RAP1GDS1: variants seen among roughly 807,000 people sequenced by gnomAD.
RAP1GDS1 encodes Rap1 GTPase-GDP dissociation stimulator 1.
Under a neutral mutation model 71.1 loss-of-function variants are expected in RAP1GDS1, and 35 were observed. The ratio of observed to expected loss-of-function variants is 0.49; its 90% confidence interval spans 0.38 to 0.65. The LOEUF is 0.65. RAP1GDS1 is among the 30% of genes least tolerant of loss of function. RAP1GDS1 has a pLI of 0.00. For synonymous variants in RAP1GDS1, 229 were observed against 243.1 expected, an observed-to-expected ratio of 0.94 and a Z score of 0.54; for missense variants, 663 against 706.1, an observed-to-expected ratio of 0.94 and a Z score of 0.69.
At chr4:98,438,214 A>G (rs1014872878) in intron 14 of RAP1GDS1, among the ~76,000 whole-genome samples, 1 of 151,564 alleles carries the variant, frequency 6.6e-6, no homozygotes, top group Non-Finnish European at 1.5e-5. Flanking sequence ...ACTTTATCTG[A>G]CTTTAACATA....
At chr4:98,270,237 G>GT (rs1451231582) in intron 1 of RAP1GDS1, among the ~76,000 whole-genome samples, 1 of 152,090 alleles carries the variant, frequency 6.6e-6, no homozygotes, top group East Asian at 1.9e-4. Flanking sequence ...GTACTGTTGT[G>GT]TTTAAGTTTC....
intron 6 of RAP1GDS1, 171 bp downstream of exon 6, chr4:98,392,251 A>T (rs1026992324): frequency 5.1e-6 from 3 of 585,024 alleles, no homozygotes; most frequent in African/African-American, 3.8e-5. Context: ...ATTAGATCTT[A>T]TGATTGCATT....
chr4:98,419,744 A>G (rs1045458094), intron 10 of RAP1GDS1, among the ~76,000 whole-genome samples: 8 of 152,188 alleles, frequency 5.3e-5, no homozygotes, highest in Admixed American at 1.3e-4. Context: ...TTTACAAACT[A>G]TGTAAGTAAG....
At chr4:98,426,800 A>T (rs1749676422) in intron 12 of RAP1GDS1, among the ~76,000 whole-genome samples, 1 of 152,154 alleles carries the variant, frequency 6.6e-6, no homozygotes, top group Admixed American at 6.5e-5. Context: ...TCAAAGAATA[A>T]TTGGTACCAA....
chr4:98,425,387 C>G (rs1220243106), intron 12 of RAP1GDS1, among the ~76,000 whole-genome samples: 1 of 152,104 alleles, frequency 6.6e-6, no homozygotes, highest in African/African-American at 2.4e-5. Context: ...TACCTCACAT[C>G]TCAATACTAA....
At chr4:98,370,696 G>A (rs765794961) in intron 4 of RAP1GDS1, among the ~76,000 whole-genome samples, 6 of 151,454 alleles carry the variant, frequency 4.0e-5, no homozygotes, top group African/African-American at 9.7e-5. Context: ...TCAGCCTCCC[G>A]AGTAGCTGGG....
chr4:98,293,696 C>T (rs760503378), intron 2 of RAP1GDS1, among the ~76,000 whole-genome samples, 181 bp downstream of exon 2: 79 of 152,032 alleles, frequency 5.2e-4, no homozygotes, highest in African/African-American at 5.8e-4. Flanking sequence ...TCCACGCCCC[C>T]GCAAGATCCT....
intron 1 of RAP1GDS1, among the ~76,000 whole-genome samples, chr4:98,286,599 A>G (rs1726054657): frequency 6.6e-6 from 1 of 152,128 alleles, no homozygotes; most frequent in African/African-American, 2.4e-5. Flanking sequence ...TTAAGAATGA[A>G]TGAGGCCAGG....
chr4:98,403,440 G>A (rs1328531295), intron 6 of RAP1GDS1, among the ~76,000 whole-genome samples: 1 of 152,132 alleles, frequency 6.6e-6, no homozygotes, highest in Non-Finnish European at 1.5e-5. Context: ...CTAGATTTCT[G>A]CCTGTGCAGA....
In RAP1GDS1 at chr4:98,416,796, A is replaced by G; in HGVS notation, c.815A>G (p.Glu272Gly). 6.2e-7 allele frequency: 1 copy of G among 1,611,524 alleles called. No individual in the cohort carries two copies. The highest frequency in any genetic ancestry group is 1.3e-5 in the African/African-American group (1 of 74,982). ...GCAGGCCTAGTAGAGTGTCTACTAG[A>G]GATTGTTCAGCAAAAAGTGGATAGT... ...VEAGLVECLLEIVQQKVDSDK... is the reference protein window; with the variant it reads ...VEAGLVECLLGIVQQKVDSDK... The change falls in exon 8 of 15, where the codon GAG becomes GGG. Residue 272 changes from glutamate to glycine, a missense_variant. Coordinates refer to ENST00000408927, the MANE Select transcript of RAP1GDS1 (RefSeq NM_001100427.2).
At chr4:98,433,246 C>T (rs986278048) in intron 12 of RAP1GDS1, among the ~76,000 whole-genome samples, 1 of 151,944 alleles carries the variant, frequency 6.6e-6, no homozygotes, top group Non-Finnish European at 1.5e-5. Context: ...AAAGCTTTAC[C>T]TGGAACATCT....
At chr4:98,293,643 T>C (rs1343419798) in intron 2 of RAP1GDS1, 128 bp downstream of exon 2, 3 of 697,416 alleles carry the variant, frequency 4.3e-6, no homozygotes, top group African/African-American at 3.7e-5. Flanking sequence ...ATCATATCCC[T>C]GAATACTGAG....
intron 2 of RAP1GDS1, among the ~76,000 whole-genome samples, chr4:98,321,096 A>G (rs1731792150): frequency 6.8e-6 from 1 of 146,278 alleles, no homozygotes; most frequent in Non-Finnish European, 1.5e-5. Flanking sequence ...GGAGCTGAAA[A>G]CCAAGGCTCG....
chr4:98,335,519 A>C (rs1734591391), intron 2 of RAP1GDS1, among the ~76,000 whole-genome samples: 2 of 152,094 alleles, frequency 1.3e-5, no homozygotes, highest in Admixed American at 1.3e-4. Context: ...GACAACTTTC[A>C]AATTGTATAG....
At chr4:98,281,719 C>T (rs1343590293) in intron 1 of RAP1GDS1, among the ~76,000 whole-genome samples, 1 of 152,280 alleles carries the variant, frequency 6.6e-6, no homozygotes, top group East Asian at 1.9e-4. Flanking sequence ...AGTTTTTGCC[C>T]ATTCAGTATG....
At chr4:98,415,943 G>T (rs960620192) in intron 7 of RAP1GDS1, among the ~76,000 whole-genome samples, 28 of 152,124 alleles carry the variant, frequency 1.8e-4, no homozygotes, top group African/African-American at 4.3e-4. Context: ...TATAGACAGG[G>T]TCTCACTCTG....
At chr4:98,273,004 A>C (rs528522264) in intron 1 of RAP1GDS1, among the ~76,000 whole-genome samples, 68 of 152,200 alleles carry the variant, frequency 4.5e-4, no homozygotes, top group African/African-American at 1.5e-3. Flanking sequence ...GTCGACATTG[A>C]GTTCTTCGGC....
At chr4:98,269,051 T>C (rs777996744) in intron 1 of RAP1GDS1, among the ~76,000 whole-genome samples, 34 of 151,434 alleles carry the variant, frequency 2.2e-4, no homozygotes, top group Non-Finnish European at 4.7e-4. Context: ...ATGCTTCAAG[T>C]CATGTTACAA....
At chr4:98,403,420 G>A (rs1324465407) in intron 6 of RAP1GDS1, among the ~76,000 whole-genome samples, 3 of 152,136 alleles carry the variant, frequency 2.0e-5, no homozygotes, top group Non-Finnish European at 4.4e-5. Flanking sequence ...TAATAAATGA[G>A]CAGTGACTCC....
Sources: allele counts gnomAD v4.1 joint callset (sites outside exome capture counted in the v4.1 genomes callset), GRCh38; gene constraint gnomAD v4.1.1; transcripts MANE v1.5; gene names NCBI Gene and HGNC (gene_info 2026-07-23, HGNC 2026-07-21).